DRD2: variants seen among roughly 807,000 people sequenced by gnomAD.
DRD2 encodes the protein dopamine receptor D2.
DRD2 carries 8 observed loss-of-function variants against 38.0 expected under a neutral mutation model. That is an observed-to-expected ratio of 0.21 (90% CI 0.12 to 0.38). The LOEUF is 0.38. Ranked by LOEUF, DRD2 falls within the 10% of genes least tolerant of loss-of-function variation. The pLI is 1.00. For synonymous variants in DRD2, 230 were observed against 238.6 expected, an observed-to-expected ratio of 0.96 and a Z score of 0.33; for missense variants, 403 against 607.7, an observed-to-expected ratio of 0.66 and a Z score of 3.54.
chr11:113,445,000 A>C (rs1387593111), intron 1 of DRD2, among the ~76,000 whole-genome samples: 1 of 152,250 alleles, frequency 6.6e-6, no homozygotes, highest in African/African-American at 2.4e-5. Context: ...CTGGGAGTCT[A>C]GCAAAAATAA....
At chr11:113,422,235 A>G (rs1950892446) in intron 2 of DRD2, among the ~76,000 whole-genome samples, 1 of 152,244 alleles carries the variant, frequency 6.6e-6, no homozygotes, top group African/African-American at 2.4e-5. Flanking sequence ...TATGTGGAGC[A>G]GTGCTGGATG....
At chr11:113,443,164 G>T (rs913661116) in intron 1 of DRD2, among the ~76,000 whole-genome samples, 1 of 152,086 alleles carries the variant, frequency 6.6e-6, no homozygotes, top group Non-Finnish European at 1.5e-5. Flanking sequence ...GAGGCTCAGT[G>T]GTCTCAGCCT....
At position 113,409,915 on chromosome 11, in the gene DRD2, GT is replaced by G. The variant is rs1950750110; in HGVS notation, c.*811del. On this transcript the variant is annotated 3_prime_UTR_variant, in exon 8 of 8. Transcript: ENST00000362072. ...GTCCCCTAGCCCAGGCCCAGATAGA[GT>G]TCCAGGGCCTGACCTCCCTGCCAGG... The G allele has an allele frequency of 6.6e-6, 1 of 152,488 alleles. No individual in the cohort carries two copies. The highest frequency in any genetic ancestry group is 1.5e-5 in the Non-Finnish European group (1 of 68,238). 9.4% of individuals were successfully genotyped at this position (152,488 alleles called of 1,614,324 possible).
intron 1 of DRD2, among the ~76,000 whole-genome samples, chr11:113,446,833 G>A (rs558394958): frequency 6.6e-6 from 1 of 152,306 alleles, no homozygotes; most frequent in South Asian, 2.1e-4. Context: ...CAGTGTTGGT[G>A]GCGAGTGAGG....
chr11:113,439,282 A>G (rs985710623), intron 1 of DRD2, among the ~76,000 whole-genome samples: 45 of 152,130 alleles, frequency 3.0e-4, no homozygotes, highest in African/African-American at 1.1e-3. Context: ...TGCTTCCTGG[A>G]TGTTTGTTAT....
At chr11:113,469,896 C>A (rs975636185) in intron 1 of DRD2, among the ~76,000 whole-genome samples, 5 of 152,030 alleles carry the variant, frequency 3.3e-5, no homozygotes, top group Non-Finnish European at 5.9e-5. Context: ...AATGTAAAAA[C>A]AAGGGTTCCT....
chr11:113,445,394 A>G (rs1323552926), intron 1 of DRD2, among the ~76,000 whole-genome samples: 1 of 152,202 alleles, frequency 6.6e-6, no homozygotes, highest in Non-Finnish European at 1.5e-5. Context: ...AACTCTCTGC[A>G]CTACTTTGCT....
At chr11:113,454,368 TTA>T (rs1237327195) in intron 1 of DRD2, among the ~76,000 whole-genome samples, 1 of 151,734 alleles carries the variant, frequency 6.6e-6, no homozygotes, top group African/African-American at 2.4e-5. Context: ...ATAATAATTA[TTA>T]TATATATACA....
chr11:113,425,042 G>T (rs1323093147), intron 1 of DRD2: 1 of 293,462 alleles, frequency 3.4e-6, no homozygotes, highest in Non-Finnish European at 6.5e-6. Context: ...ACAGAAATGG[G>T]TATTCATTCA....
At chr11:113,421,642 A>G (rs762517487) in intron 2 of DRD2, among the ~76,000 whole-genome samples, 3 of 152,164 alleles carry the variant, frequency 2.0e-5, no homozygotes, top group African/African-American at 2.4e-5. Context: ...ACGCACACTT[A>G]GTCCTAAGCC....
chr11:113,426,501 A>G (rs1237997247), intron 1 of DRD2, among the ~76,000 whole-genome samples: 2 of 152,216 alleles, frequency 1.3e-5, no homozygotes, highest in Non-Finnish European at 2.9e-5. Context: ...GTACTTTGCT[A>G]CTGCAAATTG....
intron 1 of DRD2, among the ~76,000 whole-genome samples, chr11:113,437,118 C>T (rs984408104): frequency 1.3e-5 from 2 of 152,166 alleles, no homozygotes; most frequent in African/African-American, 4.8e-5. Context: ...AATAGAACAG[C>T]TACTGAGCAC....
At chr11:113,422,816 C>T (rs899671685) in intron 2 of DRD2, among the ~76,000 whole-genome samples, 4 of 152,154 alleles carry the variant, frequency 2.6e-5, no homozygotes, top group African/African-American at 9.7e-5. Context: ...CCAGTCTCGC[C>T]TCCTCACCTG....
chr11:113,448,939 A>G (rs887931441), intron 1 of DRD2, among the ~76,000 whole-genome samples: 1 of 152,178 alleles, frequency 6.6e-6, no homozygotes, highest in Non-Finnish European at 1.5e-5. Flanking sequence ...CATCCTGCAC[A>G]TGCCCACCAA....
chr11:113,417,127 T>A, intron 3 of DRD2, 128 bp from the exon 4 acceptor site: 3 of 1,365,774 alleles, frequency 2.2e-6, no homozygotes, highest in Non-Finnish European at 3.0e-6. Flanking sequence ...GAAGCTTGCC[T>A]GAGATGCTAA....
In DRD2 at chr11:113,412,635, G is replaced by C. The variant is rs199840213; in HGVS notation, c.1059C>G (p.Thr353=). The C allele has an allele frequency of 1.9e-6, 3 of 1,614,206 alleles. No individual in the cohort carries two copies. Among genetic ancestry groups the C allele is most frequent in the Admixed American group, 1.7e-5 (1 of 60,026 alleles). ...IQTMPNGKTR[T]SLKTMSRRKL... ...TCCTACGGCTCATGGTCTTGAGGGA[G>C]GTCCGGGTTTTGCCATTGGGCATGG... Residue 353 remains threonine, a synonymous_variant, in exon 7 of 8, where the codon ACC becomes ACG. Coordinates refer to ENST00000362072, the MANE Select transcript of DRD2 (RefSeq NM_000795.4).
At chr11:113,473,833 A>G (rs1951451104) in intron 1 of DRD2, among the ~76,000 whole-genome samples, 1 of 152,214 alleles carries the variant, frequency 6.6e-6, no homozygotes, top group African/African-American at 2.4e-5. Flanking sequence ...TTCTTTTTCA[A>G]GTGGTCCTAA....
chr11:113,452,822 A>AT (rs931424388), intron 1 of DRD2, among the ~76,000 whole-genome samples: 20 of 148,792 alleles, frequency 1.3e-4, no homozygotes, highest in African/African-American at 2.5e-4. Flanking sequence ...TAATTTTTGT[A>AT]TTTTTTTTTA....
At chr11:113,472,341 C>T (rs1175288784) in intron 1 of DRD2, among the ~76,000 whole-genome samples, 1 of 152,106 alleles carries the variant, frequency 6.6e-6, no homozygotes, top group Non-Finnish European at 1.5e-5. Context: ...GAATGGTGAC[C>T]CCAGACCAGT....
Sources: gnomAD v4.1 joint callset for allele counts (sites outside exome capture counted in the v4.1 genomes callset) on GRCh38, gnomAD v4.1.1 for gene constraint, MANE v1.5 for transcripts, NCBI Gene and HGNC (gene_info 2026-07-23, HGNC 2026-07-21) for gene names.